DNAH11: variants seen among roughly 807,000 people sequenced by gnomAD.
The protein encoded by DNAH11 is axonemal beta dynein heavy chain 11.
DNAH11 carries 442 observed loss-of-function variants against 526.0 expected under a neutral mutation model. The observed-to-expected ratio is 0.84, with a 90% CI of 0.78 to 0.91. The LOEUF (loss-of-function observed/expected upper bound fraction) is 0.91. Ranked by LOEUF, DNAH11 falls within the 40% of genes least tolerant of loss-of-function variation. The probability of loss-of-function intolerance (pLI) is 0.00; values close to 1 mark genes in which losing one functional copy is unlikely to be tolerated. For synonymous variants in DNAH11, 2,461 were observed against 1,935.9 expected (o/e 1.27, Z -7.12); for missense variants, 6,989 against 5,448.7 (o/e 1.28, Z -8.90).
chr7:21,865,999 G>C (rs1783258535), intron 70 of DNAH11, among the ~76,000 whole-genome samples: 1 of 152,178 alleles, frequency 6.6e-6, no homozygotes, highest in Non-Finnish European at 1.5e-5. Flanking sequence ...TCGTGGTTTT[G>C]TTGGGTTTTA....
chr7:21,549,217 C>T (rs1782924214), intron 2 of DNAH11, among the ~76,000 whole-genome samples: 1 of 152,146 alleles, frequency 6.6e-6, no homozygotes, highest in Admixed American at 6.5e-5. Flanking sequence ...CCCATGCATC[C>T]TTGTCCCGGT....
intron 65 of DNAH11, among the ~76,000 whole-genome samples, chr7:21,828,447 G>A (rs895668483): frequency 1.3e-5 from 2 of 152,112 alleles, no homozygotes; most frequent in Non-Finnish European, 2.9e-5. Context: ...CCTAAATTTA[G>A]TAAAGTTTTT....
At chr7:21,849,509 C>T (rs1271032319) in intron 66 of DNAH11, among the ~76,000 whole-genome samples, 1 of 152,190 alleles carries the variant, frequency 6.6e-6, no homozygotes, top group Non-Finnish European at 1.5e-5. Context: ...GGTCTACTGA[C>T]AACAAAATCC....
At chr7:21,757,877 A>C (rs1786707604) in intron 54 of DNAH11, among the ~76,000 whole-genome samples, 1 of 152,266 alleles carries the variant, frequency 6.6e-6, no homozygotes, top group South Asian at 2.1e-4. Flanking sequence ...CATTTTGTGT[A>C]AAAGCTCAAC....
chr7:21,873,784 C>CTTTTTTTTTTTT lies in DNAH11; in HGVS notation c.12195+296_12195+307dup, dbSNP rs57333575. 3.7e-4 allele frequency among the ~76,000 whole-genome samples: 26 copies of CTTTTTTTTTTTT among 70,700 alleles called. 6 individuals are homozygous for CTTTTTTTTTTTT. Among genetic ancestry groups the CTTTTTTTTTTTT allele is most frequent in the Admixed American group, 1.3e-3 (5 of 3,968 alleles). The allele number at this position is 70,700 out of a possible 152,430, so 46.4% of individuals were successfully genotyped here. On this transcript the variant is annotated intron_variant, in intron 74 of 81. Transcript: ENST00000409508. ...ACTAGGTAACTTCTTGAGGAGGTTG[C>CTTTTTTTTTTTT]TTTTTTTTTTTTTTTTTTTTTTTTG...
intron 25 of DNAH11, 107 bp downstream of exon 25, chr7:21,620,185 G>T (rs1785978254): frequency 3.9e-6 from 4 of 1,016,118 alleles, no homozygotes; most frequent in Non-Finnish European, 5.5e-6. Context: ...TTACAATGTG[G>T]AAAGATTAAA....
At chr7:21,628,144 T>C (rs1321142970) in intron 25 of DNAH11, among the ~76,000 whole-genome samples, 2 of 152,202 alleles carry the variant, frequency 1.3e-5, no homozygotes, top group Non-Finnish European at 2.9e-5. Context: ...CTTTGTATTC[T>C]GCAACTTGCG....
At chr7:21,691,063 A>C (rs1169498742) in intron 35 of DNAH11, among the ~76,000 whole-genome samples, 182 bp downstream of exon 35, 1 of 152,184 alleles carries the variant, frequency 6.6e-6, no homozygotes, top group Non-Finnish European at 1.5e-5. Flanking sequence ...TGAATTATAA[A>C]ACCAGGACTC....
intron 25 of DNAH11, among the ~76,000 whole-genome samples, chr7:21,626,924 G>A (rs933913110): frequency 6.6e-6 from 1 of 151,672 alleles, no homozygotes; most frequent in Non-Finnish European, 1.5e-5. Flanking sequence ...CTAATTTTTT[G>A]TATTTTTAGT....
At chr7:21,568,528 G>A (rs182906966) in intron 6 of DNAH11, among the ~76,000 whole-genome samples, 86 of 152,194 alleles carry the variant, frequency 5.7e-4, no homozygotes, top group Non-Finnish European at 1.1e-3. Flanking sequence ...TCCTTCACAC[G>A]TTCTGCCTCC....
intron 51 of DNAH11, 123 bp from the exon 52 acceptor site, chr7:21,748,457 C>G (rs960256019): frequency 8.8e-7 from 1 of 1,142,420 alleles, no homozygotes; most frequent in East Asian, 3.1e-5. Context: ...CCACTGCACT[C>G]CGGCCTGGGC....
intron 28 of DNAH11, among the ~76,000 whole-genome samples, chr7:21,648,397 A>G (rs1222096238): frequency 6.6e-6 from 1 of 152,158 alleles, no homozygotes; most frequent in Non-Finnish European, 1.5e-5. Flanking sequence ...GTCATTAGCA[A>G]AAGCTTGAAA....
At chr7:21,657,454 A>C (rs1782062659) in intron 29 of DNAH11, among the ~76,000 whole-genome samples, 2 of 152,196 alleles carry the variant, frequency 1.3e-5, no homozygotes, top group South Asian at 2.1e-4. Flanking sequence ...TTCTCAAAGC[A>C]TACTGAGTTA....
intron 26 of DNAH11, among the ~76,000 whole-genome samples, chr7:21,636,533 G>A (rs1786873768): frequency 6.6e-6 from 1 of 152,134 alleles, no homozygotes; most frequent in East Asian, 1.9e-4. Flanking sequence ...CCAGGAGTTC[G>A]AGACAAGCCT....
Position 21,892,713 on chromosome 7 carries a change from A to G in DNAH11, c.12750+46A>G, listed in dbSNP as rs2128047819. The G allele has an allele frequency of 2.0e-6, 3 of 1,520,736 alleles. No individual in the cohort carries two copies. In the Admixed American group the frequency reaches 6.1e-5, roughly 31 times the overall value. The allele number at this position is 1,520,736 out of a possible 1,614,324, so 94.2% of individuals were successfully genotyped here. A position where few individuals can be genotyped will look rare whatever the true frequency, so the allele number is the denominator to read the frequency against. On this transcript the variant is annotated intron_variant, in intron 77 of 81. Transcript: ENST00000409508. ...TTTCTTTTTCATTGAAGTATAACTT[A>G]CTTGTACTGAAGTCTACTAATCTTA...
intron 32 of DNAH11, among the ~76,000 whole-genome samples, chr7:21,686,221 A>G (rs978075588): frequency 2.6e-5 from 4 of 152,156 alleles, no homozygotes; most frequent in African/African-American, 7.2e-5. Flanking sequence ...AATTAACCTC[A>G]TTTAATAGAG....
chr7:21,622,259 C>A (rs1374638621), intron 25 of DNAH11, among the ~76,000 whole-genome samples: 2 of 152,106 alleles, frequency 1.3e-5, no homozygotes, highest in Non-Finnish European at 2.9e-5. Context: ...ATCCAACTTA[C>A]AAGGGATGTG....
intron 30 of DNAH11, among the ~76,000 whole-genome samples, chr7:21,666,180 C>G (rs1444364817): frequency 2.6e-5 from 4 of 151,992 alleles, no homozygotes; most frequent in African/African-American, 9.7e-5. Flanking sequence ...TCTATTTCCC[C>G]CTTGGATCTA....
intron 2 of DNAH11, among the ~76,000 whole-genome samples, chr7:21,553,075 T>A (rs1783082307): frequency 1.4e-5 from 2 of 140,754 alleles, no homozygotes; most frequent in Admixed American, 1.4e-4. Context: ...ATGGGATTTT[T>A]TTTTTTTTTT....
Sources: gnomAD v4.1 joint callset for allele counts (sites outside exome capture counted in the v4.1 genomes callset) on GRCh38, gnomAD v4.1.1 for gene constraint, MANE v1.5 for transcripts, NCBI Gene and HGNC (gene_info 2026-07-23, HGNC 2026-07-21) for gene names.